Variants in PCDHA3 observed in about 807,000 individuals in gnomAD.
PCDHA3 encodes the protein protocadherin alpha 3.
A neutral mutation model predicts 62.2 loss-of-function variants in PCDHA3; 41 were observed. The ratio of observed to expected loss-of-function variants is 0.66; its 90% CI spans 0.51 to 0.86. PCDHA3 has a LOEUF of 0.86. Among genes scored for constraint, PCDHA3 ranks in the 40% least tolerant of loss-of-function variants. PCDHA3 has a pLI of 0.00. For missense variants in PCDHA3, 1,304 were observed against 1,241.2 expected, an observed-to-expected ratio of 1.05 and a Z score of -0.76; for synonymous variants, 640 against 555.4, an observed-to-expected ratio of 1.15 and a Z score of -2.14.
At chr5:140,889,872 G>A (rs1554184085) in intron 1 of PCDHA3, among the ~76,000 whole-genome samples, 1 of 152,140 alleles carries the variant, frequency 6.6e-6, no homozygotes, top group South Asian at 2.1e-4. Flanking sequence ...GGGGAAGCCT[G>A]CCACCATGTA....
rs2150424631 is a variant in PCDHA3 at position 140,848,919 on chromosome 5, A to G, written c.2394+45328A>G. ...CCCAGCGACACAAAAGAATCTGTTC[A>G]TCGCGGAATCCAGGCCGCTTGACTC... is the stretch of plus-strand genomic sequence containing the variant. On this transcript the variant is annotated intron_variant, in intron 1 of 3. Coordinates refer to ENST00000522353, the MANE Select transcript of PCDHA3 (RefSeq NM_018906.3). 5 of 1,608,020 alleles carry G rather than the reference A, an allele frequency of 3.1e-6. No homozygotes were observed. The South Asian group carries it at 5.5e-5, about 18-fold the overall frequency.
At chr5:140,805,112 C>T (rs782558410) in intron 1 of PCDHA3, 2 of 1,589,392 alleles carry the variant, frequency 1.3e-6, no homozygotes, top group South Asian at 2.3e-5. Context: ...TATTGTCTAA[C>T]AAGACTCTTG....
At chr5:140,821,810 G>C in intron 1 of PCDHA3, 2 of 1,613,712 alleles carry the variant, frequency 1.2e-6, no homozygotes, top group Non-Finnish European at 1.7e-6. Flanking sequence ...CTGGGATCCC[G>C]GCTCCTGCTG....
chr5:140,834,430 T>G lies in PCDHA3; in HGVS notation c.2394+30839T>G, dbSNP rs1772988192. 1.9e-6 allele frequency: 3 copies of G among 1,613,806 alleles called. No homozygotes were observed. In the East Asian group the frequency reaches 6.7e-5, roughly 36 times the overall value. On this transcript the variant is annotated intron_variant, in intron 1 of 3. Coordinates refer to ENST00000522353, the MANE Select transcript of PCDHA3 (RefSeq NM_018906.3). ...GACCCAGGGGGCCGACATCTACTGC[T>G]GTTTATTATAATTCTAGCAGCTTGG...
rs2150237925 is a variant in PCDHA3 at position 140,835,548 on chromosome 5, C to T, written c.2394+31957C>T. The T allele has an allele frequency of 3.1e-6, 5 of 1,613,950 alleles. No individual in the cohort carries two copies. The South Asian group carries it at 3.3e-5, about 11-fold the overall frequency. On this transcript the variant is annotated intron_variant, in intron 1 of 3. Transcript: ENST00000522353. The stretch of plus-strand genomic sequence containing the variant: ...AGTCAACGGACAGGTTACCTGCTCC[C>T]TGACGCCCCGCGTTCCCTTCAAGTT...
intron 1 of PCDHA3, chr5:140,841,314 T>C (rs2150313381): frequency 7.6e-6 from 12 of 1,583,242 alleles, no homozygotes; most frequent in Non-Finnish European, 1.0e-5. Flanking sequence ...AGGAAACGAC[T>C]ATTTAACATG....
intron 1 of PCDHA3, among the ~76,000 whole-genome samples, chr5:140,904,727 A>G (rs953402398): frequency 7.2e-5 from 11 of 151,992 alleles, no homozygotes; most frequent in African/African-American, 2.4e-4. Flanking sequence ...GCCAACATCT[A>G]TTATTTTTTT....
chr5:140,986,195 A>G (rs1200850544), intron 3 of PCDHA3, among the ~76,000 whole-genome samples: 1 of 152,314 alleles, frequency 6.6e-6, no homozygotes, highest in Non-Finnish European at 1.5e-5. Context: ...TAAATTGGTT[A>G]ATCCTGATTA....
chr5:140,903,401 T>C (rs577425497), intron 1 of PCDHA3, among the ~76,000 whole-genome samples: 1 of 152,218 alleles, frequency 6.6e-6, no homozygotes, highest in Non-Finnish European at 1.5e-5. Context: ...GAAACAGTAG[T>C]GCAGTCAGGA....
chr5:140,900,683 T>C (rs144072569), intron 1 of PCDHA3, among the ~76,000 whole-genome samples: 52 of 152,340 alleles, frequency 3.4e-4, no homozygotes, highest in African/African-American at 9.9e-4. Context: ...ATCTCTTCAA[T>C]ATACTGATTT....
At chr5:140,851,764 C>T (rs1282695804) in intron 1 of PCDHA3, 1 of 969,228 alleles carries the variant, frequency 1.0e-6, no homozygotes, top group Non-Finnish European at 1.2e-6. Context: ...AAAACATTAC[C>T]CTTATGAATT....
At chr5:140,877,500 A>G (rs781878840) in intron 1 of PCDHA3, 80 of 1,613,694 alleles carry the variant, frequency 5.0e-5, no homozygotes, top group Non-Finnish European at 6.6e-5. Flanking sequence ...GCCAGGCCCC[A>G]AAGACGTCGT....
At chr5:140,884,651 T>C in intron 1 of PCDHA3, 1 of 1,604,404 alleles carries the variant, frequency 6.2e-7, no homozygotes. Context: ...GGACTCAGAA[T>C]GCTTGAAAGA....
intron 1 of PCDHA3, chr5:140,836,726 C>A (rs1326875671): frequency 1.9e-6 from 3 of 1,610,534 alleles, no homozygotes; most frequent in Non-Finnish European, 2.5e-6. Context: ...AGGGTCCATC[C>A]TCTACAGACA....
intron 3 of PCDHA3, among the ~76,000 whole-genome samples, chr5:140,992,035 G>C (rs529236840): frequency 6.6e-6 from 1 of 151,988 alleles, no homozygotes; most frequent in South Asian, 2.1e-4. Flanking sequence ...GTGTGTGTGT[G>C]TGTGTGTGTG....
At chr5:140,911,283 A>G (rs906069835) in intron 1 of PCDHA3, among the ~76,000 whole-genome samples, 1 of 152,278 alleles carries the variant, frequency 6.6e-6, no homozygotes, top group Non-Finnish European at 1.5e-5. Context: ...CAGCTTCATC[A>G]GGGTCCTTTT....
In PCDHA3 at chr5:141,010,434, A is replaced by G; in HGVS notation, c.*497A>G. 9.7e-7 allele frequency: 1 copy of G among 1,031,156 alleles called. No homozygotes were observed. Among genetic ancestry groups the G allele is most frequent in the Non-Finnish European group, 1.4e-6 (1 of 732,962 alleles). 63.9% of individuals were successfully genotyped at this position (1,031,156 alleles called of 1,614,324 possible). A position where few individuals can be genotyped will look rare whatever the true frequency, so the allele number is the denominator to read the frequency against. ...TTGGTACAAGGAAGGCAAGAAAACA[A>G]AGACAAATAAACAGCGGAAGTTATC... On this transcript the variant is annotated 3_prime_UTR_variant, in exon 4 of 4. Transcript: ENST00000522353.
intron 1 of PCDHA3, among the ~76,000 whole-genome samples, chr5:140,935,712 T>C (rs1480290454): frequency 1.3e-5 from 2 of 152,138 alleles, no homozygotes; most frequent in African/African-American, 4.8e-5. Context: ...TAAAACAAAA[T>C]ATATTTAGAG....
intron 1 of PCDHA3, chr5:140,830,448 C>A: frequency 1.2e-6 from 2 of 1,600,594 alleles, no homozygotes; most frequent in Non-Finnish European, 1.7e-6. Flanking sequence ...ATGGGTAAGG[C>A]GGAGAATCAG....
Sources: gnomAD v4.1 joint callset for allele counts (sites outside exome capture counted in the v4.1 genomes callset) on GRCh38, gnomAD v4.1.1 for gene constraint, MANE v1.5 for transcripts, NCBI Gene and HGNC (gene_info 2026-07-23, HGNC 2026-07-21) for gene names.